Variants in DISC1 observed in about 807,000 individuals in gnomAD.
DISC1 encodes the protein disrupted in schizophrenia 1 protein.
DISC1 carries 57 observed loss-of-function variants against 84.5 expected under a neutral mutation model. The ratio of observed to expected loss-of-function variants is 0.67; its 90% CI spans 0.55 to 0.84. The LOEUF is 0.84. Among genes scored for constraint, DISC1 ranks in the 40% least tolerant of loss-of-function variants. The pLI is 0.00. For missense variants in DISC1, 1,000 were observed against 1,057.8 expected (o/e 0.95, Z 0.76); for synonymous variants, 411 against 415.2 (o/e 0.99, Z 0.12).
chr1:231,663,229 T>C (rs1287812747), intron 1 of DISC1, among the ~76,000 whole-genome samples: 2 of 152,188 alleles, frequency 1.3e-5, no homozygotes, highest in Non-Finnish European at 2.9e-5. Context: ...AAAAGGACAT[T>C]ATATGTTGAT....
chr1:231,707,521 A>T (rs2067236895), intron 3 of DISC1, among the ~76,000 whole-genome samples: 1 of 152,122 alleles, frequency 6.6e-6, no homozygotes, highest in Non-Finnish European at 1.5e-5. Context: ...GTGTCATGAG[A>T]CTCACTACAT....
At chr1:231,898,691 GGAGGCT>G (rs1446171729) in intron 9 of DISC1, among the ~76,000 whole-genome samples, 1 of 152,158 alleles carries the variant, frequency 6.6e-6, no homozygotes, top group Non-Finnish European at 1.5e-5. Context: ...CAGCACTTTG[GGAGGCT>G]GAGGCAGGTG....
intron 10 of DISC1, among the ~76,000 whole-genome samples, chr1:231,996,588 G>A (rs1043282158): frequency 2.6e-5 from 4 of 152,176 alleles, no homozygotes; most frequent in East Asian, 3.9e-4. Flanking sequence ...GAAACTCTAG[G>A]CATCTGTGTC....
intron 9 of DISC1, among the ~76,000 whole-genome samples, chr1:231,898,584 T>A (rs942256042): frequency 6.6e-6 from 1 of 152,214 alleles, no homozygotes; most frequent in Non-Finnish European, 1.5e-5. Flanking sequence ...ATTTGGGAAT[T>A]GAGGTTGAAA....
intron 9 of DISC1, among the ~76,000 whole-genome samples, chr1:231,851,864 G>A (rs1274372246): frequency 2.6e-5 from 4 of 152,092 alleles, no homozygotes; most frequent in African/African-American, 9.7e-5. Flanking sequence ...ATAAAATTGG[G>A]ACCTTGTCTT....
At chr1:231,750,519 G>A (rs576550733) in intron 4 of DISC1, 1 of 993,862 alleles carries the variant, frequency 1.0e-6, no homozygotes, top group African/African-American at 1.7e-5. Flanking sequence ...TTTGCTATTT[G>A]TGTCACCCAA....
At chr1:231,833,827 C>A (rs1223126344) in intron 9 of DISC1, among the ~76,000 whole-genome samples, 1 of 152,142 alleles carries the variant, frequency 6.6e-6, no homozygotes, top group East Asian at 1.9e-4. Context: ...GCTGCCTCTA[C>A]TCTATTATTG....
chr1:231,718,687 C>T (rs771284964), intron 3 of DISC1, among the ~76,000 whole-genome samples: 11 of 152,196 alleles, frequency 7.2e-5, no homozygotes, highest in Non-Finnish European at 1.2e-4. Context: ...CTGCCCGCCT[C>T]GGCCTCCCAA....
At chr1:231,718,305 C>T (rs962903196) in intron 3 of DISC1, among the ~76,000 whole-genome samples, 1 of 152,186 alleles carries the variant, frequency 6.6e-6, no homozygotes, top group African/African-American at 2.4e-5. Context: ...CATCTCTCTG[C>T]GTGACTAATG....
At chr1:231,750,411 G>A (rs989281742) in intron 4 of DISC1, 1 of 1,102,506 alleles carries the variant, frequency 9.1e-7, no homozygotes, top group African/African-American at 1.6e-5. Context: ...GGTGTCCTGT[G>A]ATCATATTAA....
chr1:231,693,686 TG>T (rs886494060), intron 1 of DISC1, 139 bp from the exon 2 acceptor site: 2 of 1,305,044 alleles, frequency 1.5e-6, no homozygotes, highest in African/African-American at 2.9e-5. Flanking sequence ...GGATTGGCCC[TG>T]GGACCACTGA....
chr1:232,026,574 T>C (rs374820911), intron 12 of DISC1, 22 bp downstream of exon 12: 25 of 1,544,792 alleles, frequency 1.6e-5, no homozygotes, highest in Non-Finnish European at 1.9e-5. Flanking sequence ...ATCTTGCAGA[T>C]GAAGCAAGGC....
At chr1:231,686,115 T>A (rs1398981109) in intron 1 of DISC1, among the ~76,000 whole-genome samples, 1 of 152,196 alleles carries the variant, frequency 6.6e-6, no homozygotes, top group Admixed American at 6.5e-5. Flanking sequence ...TTTCACAGGT[T>A]GGCACTGAGT....
At chr1:231,759,590 T>C (rs958957810) in intron 4 of DISC1, among the ~76,000 whole-genome samples, 1 of 147,050 alleles carries the variant, frequency 6.8e-6, no homozygotes, top group African/African-American at 2.5e-5. Context: ...CCTGTAGTCC[T>C]ATCTACTTGG....
chr1:231,714,479 G>T (rs1351645115), intron 3 of DISC1, among the ~76,000 whole-genome samples: 1 of 152,058 alleles, frequency 6.6e-6, no homozygotes, highest in Admixed American at 6.6e-5. Context: ...AAAGTTTGGT[G>T]GTTCTTCAAA....
chr1:231,762,966 G>A (rs971989948), intron 4 of DISC1, among the ~76,000 whole-genome samples: 7 of 152,222 alleles, frequency 4.6e-5, no homozygotes, highest in Non-Finnish European at 5.9e-5. Context: ...GTGACACGGT[G>A]TGAAAAAGGC....
chr1:231,893,427 G>T (rs1016250641), intron 9 of DISC1, among the ~76,000 whole-genome samples: 22 of 152,170 alleles, frequency 1.4e-4, no homozygotes, highest in African/African-American at 5.3e-4. Context: ...GTATAGGACA[G>T]AAAATTATCT....
chr1:231,836,103 A>G (rs1188724997), intron 9 of DISC1, among the ~76,000 whole-genome samples: 2 of 152,222 alleles, frequency 1.3e-5, no homozygotes, highest in East Asian at 3.8e-4. Flanking sequence ...AGAAACTGAG[A>G]GAAGTACTCA....
chr1:231,860,023 T>C (rs1406496243), intron 9 of DISC1, among the ~76,000 whole-genome samples: 1 of 152,202 alleles, frequency 6.6e-6, no homozygotes, highest in Non-Finnish European at 1.5e-5. Flanking sequence ...GGAGATTAAA[T>C]GTAATGCTTT....
Sources: allele counts gnomAD v4.1 joint callset (sites outside exome capture counted in the v4.1 genomes callset), GRCh38; gene constraint gnomAD v4.1.1; transcripts MANE v1.5; gene names NCBI Gene and HGNC (gene_info 2026-07-23, HGNC 2026-07-21).